COX15: variants seen among roughly 807,000 people sequenced by gnomAD.
The protein encoded by COX15 is heme A synthase COX15.
Under a neutral mutation model 51.9 loss-of-function variants are expected in COX15, and 51 were observed. That is an observed-to-expected ratio of 0.98 (90% confidence interval 0.78 to 1.24). The LOEUF (loss-of-function observed/expected upper bound fraction) is 1.24, where lower values mean the gene tolerates loss of function less well. Ranked by LOEUF, COX15 falls within the 50% of genes most tolerant of loss-of-function variation. The probability of loss-of-function intolerance (pLI) is 0.00; values close to 1 mark genes in which losing one functional copy is unlikely to be tolerated. For synonymous variants in COX15, 188 were observed against 190.5 expected (o/e 0.99, Z 0.11); for missense variants, 420 against 501.1 (o/e 0.84, Z 1.55).
intron 1 of COX15, among the ~76,000 whole-genome samples, chr10:99,731,712 AGTAG>A (rs1013064995): frequency 2.0e-5 from 3 of 152,228 alleles, no homozygotes; most frequent in Admixed American, 2.0e-4. Flanking sequence ...CAAACCTTAA[AGTAG>A]GTATTGTTAT....
rs770889501 is a variant in COX15, at chr10:99,713,411, A to T, written c.*1176T>A. On this transcript the variant is annotated 3_prime_UTR_variant, in exon 9 of 9. Transcript: ENST00000016171. ...AGCAATATTGGGTTGCTCCATCCTC[A>T]AATCAGATGTTTCTGATGCCTTCAT... 6.2e-7 allele frequency: 1 copy of T among 1,613,986 alleles called. No homozygotes were observed. Among genetic ancestry groups the T allele is most frequent in the Non-Finnish European group, 8.5e-7 (1 of 1,179,992 alleles).
rs548336124 is a variant in COX15 at position 99,725,591 on chromosome 10, T to C, written c.582+1377A>G. ...TATTTTTTTTGAGCCAGAGTCTTGC[T>C]CTGTTGCCCAGGCTGGAGTGCAGTG... On this transcript the variant is annotated intron_variant, in intron 4 of 8. Transcript: ENST00000016171. 3.5e-4 allele frequency among the ~76,000 whole-genome samples: 53 copies of C among 152,348 alleles called. No homozygotes were observed. The East Asian group carries it at 9.3e-3, about 27-fold the overall frequency.
chr10:99,726,604 G>C (rs149832755), intron 4 of COX15, among the ~76,000 whole-genome samples: 1,971 of 152,098 alleles, frequency 0.013, 49 homozygotes, highest in African/African-American at 0.044. Flanking sequence ...ATGCCAACTA[G>C]GGGCCGGGCG....
intron 7 of COX15, 31 bp downstream of exon 7, chr10:99,718,315 T>C (rs367777302): frequency 1.2e-6 from 2 of 1,613,638 alleles, no homozygotes. Context: ...GCTCCTGTGC[T>C]CTCTGGCAGG....
chr10:99,728,275 G>T (rs1232234253), intron 2 of COX15, among the ~76,000 whole-genome samples: 1 of 152,166 alleles, frequency 6.6e-6, no homozygotes, highest in African/African-American at 2.4e-5. Flanking sequence ...GACTAAAGAT[G>T]GGACAATCTG....
Position 99,729,197 on chromosome 10 carries a change from C to T in COX15, c.272+356G>A, listed in dbSNP as rs969680065. 3.3e-5 allele frequency among the ~76,000 whole-genome samples: 5 copies of T among 152,210 alleles called. 1 individual carries two copies. The highest frequency in any genetic ancestry group is 3.2e-3 in the Middle Eastern group (1 of 316). On this transcript the variant is annotated intron_variant, in intron 2 of 8. Transcript: ENST00000016171. ...CTTTCTCCAGCTGGGCATGGTGGCT[C>T]ATGCCTGTAATCCTGGCACTTTGGG...
At chr10:99,702,807 A>C in the COX15 span, 5 of 704,332 alleles carry the variant, frequency 7.1e-6, no homozygotes. Flanking sequence ...ACCCCCTCAC[A>C]AAAACAAACT....
the COX15 span, chr10:99,704,543 C>T: frequency 4.3e-6 from 7 of 1,614,182 alleles, no homozygotes; most frequent in Non-Finnish European, 5.9e-6. Context: ...TGCCTGTATC[C>T]TGGTGGTGCT....
chr10:99,713,550 T>A lies in COX15; in HGVS notation c.*1037A>T. 6.4e-7 allele frequency: 1 copy of A among 1,556,632 alleles called. No individual in the cohort carries two copies. The highest frequency in any genetic ancestry group is 1.9e-5 in the Admixed American group (1 of 52,232). On this transcript the variant is annotated 3_prime_UTR_variant, in exon 9 of 9. Transcript: ENST00000016171. ...AACAATTTGTTTATCTGGGTAGATG[T>A]CCATGCACTACACCATCAAGGCCAT...
intron 7 of COX15, among the ~76,000 whole-genome samples, chr10:99,716,957 A>G (rs1393509559): frequency 6.6e-6 from 1 of 152,160 alleles, no homozygotes; most frequent in African/African-American, 2.4e-5. Context: ...CAGGACTGGC[A>G]ATAATGGTCT....
At chr10:99,695,320 C>T in the COX15 span, among the ~76,000 whole-genome samples, 1 of 151,948 alleles carries the variant, frequency 6.6e-6, no homozygotes, top group Non-Finnish European at 1.5e-5. Context: ...GTCAAGAGAT[C>T]GAGAACATCC....
chr10:99,726,723 T>C (rs1401962245), intron 4 of COX15, among the ~76,000 whole-genome samples: 1 of 151,596 alleles, frequency 6.6e-6, no homozygotes, highest in Non-Finnish European at 1.5e-5. Context: ...CCGTCTCTAC[T>C]AAAAATACAA....
chr10:99,730,090 A>C (rs2133636882), intron 1 of COX15, among the ~76,000 whole-genome samples: 1 of 152,172 alleles, frequency 6.6e-6, no homozygotes, highest in Non-Finnish European at 1.5e-5. Context: ...CCTACTGCAG[A>C]TCTCCGCTTA....
intron 1 of COX15, among the ~76,000 whole-genome samples, chr10:99,731,517 T>C (rs2037144504): frequency 6.6e-6 from 1 of 152,238 alleles, no homozygotes; most frequent in Admixed American, 6.5e-5. Context: ...CTATTTCTGA[T>C]TAACTGAGTC....
downstream of COX15, among the ~76,000 whole-genome samples, chr10:99,707,836 G>C (rs572881890): frequency 6.6e-6 from 1 of 152,128 alleles, no homozygotes; most frequent in Non-Finnish European, 1.5e-5. Context: ...TTAACTCTAA[G>C]CCAAATTATA....
In COX15 at chr10:99,711,674, C is replaced by CTT. The variant is rs1446814653; in HGVS notation, c.*2911_*2912dup. ...GTGACTTAATTGGTCTTAGATGAGG[C>CTT]TTGGGCTTTGGGATTTTTCTAAGAT... On this transcript the variant is annotated 3_prime_UTR_variant, in exon 9 of 9. Coordinates refer to ENST00000016171, the MANE Select transcript of COX15 (RefSeq NM_078470.6). The CTT allele has an allele frequency of 1.0e-6, 1 of 985,240 alleles. No homozygotes were observed. The highest frequency in any genetic ancestry group is 1.7e-5 in the African/African-American group (1 of 57,208). 61.0% of individuals were successfully genotyped at this position (985,240 alleles called of 1,614,324 possible). A position where few individuals can be genotyped will look rare whatever the true frequency, so the allele number is the denominator to read the frequency against.
rs769571551 is a variant in COX15, at chr10:99,711,996, G to C, written c.*2591C>G. ...AGCCAGTGTGTCACATGGTGAGAGAGAGCAAGCGAGAGAGGAGGAAGTTCC... is the reference window on the plus strand; with the variant it reads ...AGCCAGTGTGTCACATGGTGAGAGACAGCAAGCGAGAGAGGAGGAAGTTCC... On this transcript the variant is annotated 3_prime_UTR_variant, in exon 9 of 9. Transcript: ENST00000016171. The C allele has an allele frequency of 1.4e-5, 4 of 295,810 alleles. No individual in the cohort carries two copies. The highest frequency in any genetic ancestry group is 2.0e-5 in the Non-Finnish European group (4 of 199,690). The allele number at this position is 295,810 out of a possible 1,614,324, so 18.3% of individuals were successfully genotyped here. A position where few individuals can be genotyped will look rare whatever the true frequency, so the allele number is the denominator to read the frequency against.
chr10:99,710,342 A>C, downstream of COX15: 1 of 985,266 alleles, frequency 1.0e-6, no homozygotes, highest in Non-Finnish European at 1.2e-6. Flanking sequence ...TTCCACAATT[A>C]CCCTTTAGTT....
rs1408008079 is a variant in COX15 at position 99,727,063 on chromosome 10, A to C, written c.487T>G (p.Tyr163Asp). The change falls in exon 4 of 9, where the codon TAC becomes GAC. Residue 163 changes from tyrosine to aspartate, a missense_variant. Physicochemically the swap from Tyr to Asp is radical, Grantham distance 160. Coordinates refer to ENST00000016171, the MANE Select transcript of COX15 (RefSeq NM_078470.6). ...CAAAAGTAGGCAGCAGGCAGGATGT[A>C]CACAAGGCCTACAAGGCGACCCCAC... Reference protein sequence around the residue: ...RMWGRLVGLVYILPAAYFWRK... With the variant: ...RMWGRLVGLVDILPAAYFWRK... 1 of 1,614,204 alleles carries C rather than the reference A, an allele frequency of 6.2e-7. No individual in the cohort carries two copies. The highest frequency in any genetic ancestry group is 1.1e-5 in the South Asian group (1 of 91,088).
Sources: allele counts gnomAD v4.1 joint callset (sites outside exome capture counted in the v4.1 genomes callset), GRCh38; gene constraint gnomAD v4.1.1; transcripts MANE v1.5; gene names NCBI Gene and HGNC (gene_info 2026-07-23, HGNC 2026-07-21).